Variants in APOA4 observed in about 807,000 individuals in gnomAD.
APOA4 encodes the protein apolipoprotein A4.
APOA4 carries 25 observed loss-of-function variants against 33.6 expected under a neutral mutation model. That is an observed-to-expected ratio of 0.74 (90% CI 0.54 to 1.04). The LOEUF (loss-of-function observed/expected upper bound fraction) is 1.04, where lower values mean the gene tolerates loss of function less well. Among genes scored for constraint, APOA4 ranks in the 50% least tolerant of loss-of-function variants. APOA4 has a pLI of 0.00. For synonymous variants in APOA4, 228 were observed against 224.0 expected (o/e 1.02, Z -0.16); for missense variants, 549 against 510.4 (o/e 1.08, Z -0.73).
rs988264769 is a variant in APOA4, at chr11:116,823,286, C to G, written c.-95G>C. 1 of 1,445,866 alleles carries G rather than the reference C, an allele frequency of 6.9e-7. No homozygotes were observed. Among genetic ancestry groups the G allele is most frequent in the Admixed American group, 1.7e-5 (1 of 59,752 alleles). 89.6% of individuals were successfully genotyped at this position (1,445,866 alleles called of 1,614,324 possible). On this transcript the variant is annotated 5_prime_UTR_variant, in exon 1 of 3. Transcript: ENST00000357780. ...CAGAGAGGTCCTCAGGAGAGCTCAC[C>G]TGCGCTGCAGTGGGAACTGACTGAA...
chr11:116,821,615 G>C lies in APOA4; in HGVS notation c.443C>G (p.Thr148Arg), dbSNP rs149339479. ...CTGGCGCCGCAGCTGCTCGGCCTGCGTGCTGACCTGGGTGCGCAGCTGGTC... is the reference window on the plus strand; with the variant it reads ...CTGGCGCCGCAGCTGCTCGGCCTGCCTGCTGACCTGGGTGCGCAGCTGGTC... The part of the protein sequence containing the change: ...YADQLRTQVS[T>R]QAEQLRRQLT... The change falls in exon 3 of 3, where the codon ACG becomes AGG. Residue 148 changes from threonine (T) to arginine (R), a missense_variant. Coordinates refer to ENST00000357780, the MANE Select transcript of APOA4 (RefSeq NM_000482.4). The C allele has an allele frequency of 6.2e-7, 1 of 1,610,448 alleles. No homozygotes were observed. The highest frequency in any genetic ancestry group is 8.5e-7 in the Non-Finnish European group (1 of 1,178,800).
chr11:116,823,028 T>G, intron 1 of APOA4, 115 bp downstream of exon 1: 2 of 1,448,898 alleles, frequency 1.4e-6, no homozygotes, highest in Non-Finnish European at 1.9e-6. Flanking sequence ...AGACCTCATG[T>G]CCAGCTGGGG....
chr11:116,823,167 T>G lies in APOA4; in HGVS notation c.25A>C (p.Thr9Pro), dbSNP rs770293315. The change falls in exon 1 of 3, where the codon ACC (threonine) becomes CCC (proline). Residue 9 changes from threonine (T) to proline (P), a missense_variant. Physicochemically the swap from Thr to Pro is conservative, Grantham distance 38. Transcript: ENST00000357780. ...CCGGCGACAGCCACCAGGGCCAGGG[T>G]CAGGACCACGGCCTTCAGGAACATC... MFLKAVVL[T>P]LALVAVAGAR... 3 of 1,613,838 alleles carry G rather than the reference T, an allele frequency of 1.9e-6. No homozygotes were observed. Among genetic ancestry groups the G allele is most frequent in the South Asian group, 1.1e-5 (1 of 91,084 alleles).
At position 116,821,267 on chromosome 11, in the gene APOA4, C is replaced by T. The variant is rs2238008; in HGVS notation, c.791G>A (p.Arg264Gln). ...CTCGGCCAAGGGCGCCAGCCTCTGC[C>T]GCAGCTCCTCGGCACTGGCCGAGAT... Reference protein sequence around the residue: ...ARISASAEELRQRLAPLAEDV... With the variant: ...ARISASAEELQQRLAPLAEDV... Residue 264 changes from arginine to glutamine, a missense_variant, in exon 3 of 3, where the codon CGG (arginine) becomes CAG (glutamine). Transcript: ENST00000357780. The T allele has an allele frequency of 1.2e-4, 189 of 1,613,482 alleles. No homozygotes were observed. In the African/African-American group the frequency reaches 1.6e-3, roughly 14 times the overall value.
chr11:116,822,518 G>A (rs1411517475), intron 2 of APOA4, 141 bp downstream of exon 2: 12 of 1,267,378 alleles, frequency 9.5e-6, no homozygotes, highest in African/African-American at 1.5e-5. Flanking sequence ...GTGGATCCTA[G>A]GTTCAGAGGC....
rs1007036347 is a variant in APOA4 at position 116,821,281 on chromosome 11, A to C, written c.777T>G (p.Ser259Arg). The change falls in exon 3 of 3, where the codon AGT becomes AGG. Residue 259 changes from serine to arginine, a missense_variant. Physicochemically the swap from Ser to Arg is moderately radical, Grantham distance 110. Transcript: ENST00000357780. ...AEELKARISA[S>R]AEELRQRLAP... ...CCAGCCTCTGCCGCAGCTCCTCGGC[A>C]CTGGCCGAGATCCTGGCCTTGAGCT... 7.4e-6 allele frequency: 12 copies of C among 1,613,332 alleles called. No individual in the cohort carries two copies. In the African/African-American group the frequency reaches 1.3e-4, roughly 18 times the overall value.
At position 116,821,573 on chromosome 11, in the gene APOA4, T is replaced by C; in HGVS notation, c.485A>G (p.Gln162Arg). Residue 162 changes from glutamine (Q) to arginine (R), a missense_variant, in exon 3 of 3, where the codon CAG (glutamine) becomes CGG (arginine). Gln to Arg is a conservative substitution (Grantham distance 43). Transcript: ENST00000357780. ...CTCCCGCAGCACTCTCTCCATGCGC[T>C]GTGCGTAGGGGGTCAGCTGGCGCCG... Reference protein sequence around the residue: ...QLRRQLTPYAQRMERVLRENA... With the variant: ...QLRRQLTPYARRMERVLRENA... 6.2e-7 allele frequency: 1 copy of C among 1,611,586 alleles called. No homozygotes were observed. Among genetic ancestry groups the C allele is most frequent in the Non-Finnish European group, 8.5e-7 (1 of 1,179,892 alleles).
intron 1 of APOA4, 55 bp from the exon 2 acceptor site, chr11:116,822,840 G>T (rs961924213): frequency 1.8e-5 from 29 of 1,611,290 alleles, no homozygotes; most frequent in Non-Finnish European, 2.2e-5. Context: ...TGGCCCCTCT[G>T]CTCCAGCTCT....
In APOA4 at chr11:116,821,292, T is replaced by A. The variant is rs1161339165; in HGVS notation, c.766A>T (p.Ile256Phe). ...KKNAEELKAR[I>F]SASAEELRQR... ...CGCAGCTCCTCGGCACTGGCCGAGA[T>A]CCTGGCCTTGAGCTCCTCGGCGTTC... The change falls in exon 3 of 3, where the codon ATC becomes TTC. Residue 256 changes from isoleucine (I) to phenylalanine (F), a missense_variant. Transcript: ENST00000357780. 1 of 1,613,784 alleles carries A rather than the reference T, an allele frequency of 6.2e-7. No individual in the cohort carries two copies. Among genetic ancestry groups the A allele is most frequent in the Non-Finnish European group, 8.5e-7 (1 of 1,180,016 alleles).
chr11:116,823,034 TG>T, intron 1 of APOA4, 108 bp downstream of exon 1: 3 of 1,459,580 alleles, frequency 2.1e-6, no homozygotes, highest in Non-Finnish European at 2.9e-6. Context: ...CATGTCCAGC[TG>T]GGGGCTGATG....
rs754558321 is a variant in APOA4 at position 116,823,233 on chromosome 11, G to A, written c.-42C>T. ...GGCTGGAGGAGTTTCTTGCCACACTGGATCCTCCCTACAATCAGGGGAGCT... is the reference window on the plus strand; with the variant it reads ...GGCTGGAGGAGTTTCTTGCCACACTAGATCCTCCCTACAATCAGGGGAGCT... On this transcript the variant is annotated 5_prime_UTR_variant, in exon 1 of 3. Coordinates refer to ENST00000357780, the MANE Select transcript of APOA4 (RefSeq NM_000482.4). 1.9e-5 allele frequency: 30 copies of A among 1,611,796 alleles called. No homozygotes were observed. In the Admixed American group the frequency reaches 2.0e-4, roughly 11 times the overall value.
At position 116,822,715 on chromosome 11, in the gene APOA4, G is replaced by C; in HGVS notation, c.120C>G (p.Asn40Lys). 3 of 1,614,230 alleles carry C rather than the reference G, an allele frequency of 1.9e-6. No individual in the cohort carries two copies. The highest frequency in any genetic ancestry group is 8.5e-7 in the Non-Finnish European group (1 of 1,180,050). Residue 40 changes from asparagine to lysine, a missense_variant, in exon 2 of 3, where the codon AAC becomes AAG. Coordinates refer to ENST00000357780, the MANE Select transcript of APOA4 (RefSeq NM_000482.4). Reference sequence around the variant, plus strand: ...GATGTTCCACGGCCTCCTTGGCATTGTTGCTCAGCTGGCTGAAGTAGTCCC... The same window carrying C: ...GATGTTCCACGGCCTCCTTGGCATTCTTGCTCAGCTGGCTGAAGTAGTCCC... ...VMWDYFSQLSNNAKEAVEHLQ... is the reference protein window; with the variant it reads ...VMWDYFSQLSKNAKEAVEHLQ...
intron 2 of APOA4, 121 bp from the exon 3 acceptor site, chr11:116,822,002 C>T (rs1231750630): frequency 3.2e-6 from 4 of 1,258,742 alleles, no homozygotes; most frequent in Non-Finnish European, 2.3e-6. Context: ...TCAGAGGTAC[C>T]GAGTTCACCC....
At position 116,821,552 on chromosome 11, in the gene APOA4, C is replaced by T. The variant is rs1280450716; in HGVS notation, c.506G>A (p.Arg169Gln). ...PYAQRMERVL[R>Q]ENADSLQASL... is the part of the protein sequence containing the mutation. ...GGCCTGCAGGCTGTCGGCGTTCTCC[C>T]GCAGCACTCTCTCCATGCGCTGTGC... The change falls in exon 3 of 3, where the codon CGG (arginine) becomes CAG (glutamine). Residue 169 changes from arginine to glutamine, a missense_variant. Arg to Gln is a conservative substitution (Grantham distance 43). Coordinates refer to ENST00000357780, the MANE Select transcript of APOA4 (RefSeq NM_000482.4). The T allele has an allele frequency of 1.2e-6, 2 of 1,612,438 alleles. No homozygotes were observed. Among genetic ancestry groups the T allele is most frequent in the Admixed American group, 1.7e-5 (1 of 60,028 alleles).
chr11:116,821,339 C>A lies in APOA4; in HGVS notation c.719G>T (p.Gly240Val). Residue 240 changes from glycine to valine, a missense_variant, in exon 3 of 3, where the codon GGC (glycine) becomes GTC (valine). By Grantham distance (109) the Gly-to-Val change is moderately radical. Transcript: ENST00000357780. ...GTTCTTCTTCATCTGGAAGGTCAGGCCCTCAAGCTGGTGGTTGAGCTTCTC... is the reference window on the plus strand; with the variant it reads ...GTTCTTCTTCATCTGGAAGGTCAGGACCTCAAGCTGGTGGTTGAGCTTCTC... ...TQEKLNHQLE[G>V]LTFQMKKNAE... 1 of 1,614,134 alleles carries A rather than the reference C, an allele frequency of 6.2e-7. No homozygotes were observed. Among genetic ancestry groups the A allele is most frequent in the Non-Finnish European group, 8.5e-7 (1 of 1,180,034 alleles).
At chr11:116,823,059 G>T in intron 1 of APOA4, 84 bp downstream of exon 1, 1 of 1,549,978 alleles carries the variant, frequency 6.5e-7, no homozygotes, top group Non-Finnish European at 8.9e-7. Flanking sequence ...ACTCAGAAGT[G>T]TCCTTTTGCT....
rs1488658022 is a variant in APOA4 at position 116,820,850 on chromosome 11, A to C, written c.*17T>G. 3 of 1,612,574 alleles carry C rather than the reference A, an allele frequency of 1.9e-6. No individual in the cohort carries two copies. The highest frequency in any genetic ancestry group is 2.2e-5 in the South Asian group (2 of 91,036). ...GGCAGGTGTCCACGAGGGTGGGGCC[A>C]GTGCACCAGGGGCAGCTCAGCTCTC... On this transcript the variant is annotated 3_prime_UTR_variant, in exon 3 of 3. Coordinates refer to ENST00000357780, the MANE Select transcript of APOA4 (RefSeq NM_000482.4).
rs2134217326 is a variant in APOA4 at position 116,820,808 on chromosome 11, G to C, written c.*59C>G. ...AGAACTTCTTTGGGACAGACAGACA[G>C]ACAGGTGGCAGGGCAGGGCAGGTGT... On this transcript the variant is annotated 3_prime_UTR_variant, in exon 3 of 3. Transcript: ENST00000357780. 6.3e-7 allele frequency: 1 copy of C among 1,592,210 alleles called. No individual in the cohort carries two copies. The highest frequency in any genetic ancestry group is 2.2e-5 in the East Asian group (1 of 44,666).
rs773002058 is a variant in APOA4, at chr11:116,821,576, G to A, written c.482C>T (p.Ala161Val). Residue 161 changes from alanine (A) to valine (V), a missense_variant, in exon 3 of 3, where the codon GCA becomes GTA. Coordinates refer to ENST00000357780, the MANE Select transcript of APOA4 (RefSeq NM_000482.4). ...EQLRRQLTPYAQRMERVLREN... is the reference protein window; with the variant it reads ...EQLRRQLTPYVQRMERVLREN... ...CCGCAGCACTCTCTCCATGCGCTGT[G>A]CGTAGGGGGTCAGCTGGCGCCGCAG... 13 of 1,611,160 alleles carry A rather than the reference G, an allele frequency of 8.1e-6. No homozygotes were observed. The highest frequency in any genetic ancestry group is 2.2e-5 in the South Asian group (2 of 91,064).
Sources: allele counts gnomAD v4.1 joint callset, GRCh38; gene constraint gnomAD v4.1.1; transcripts MANE v1.5; gene names NCBI Gene and HGNC (gene_info 2026-07-23, HGNC 2026-07-21).